Variants in DIP2C observed in about 807,000 individuals in gnomAD.
DIP2C encodes DIP2 acetate--CoA ligase C (putative), also known as disco-interacting protein 2 homolog C.
DIP2C carries 33 observed loss-of-function variants against 192.4 expected under a neutral mutation model. The ratio of observed to expected loss-of-function variants is 0.17; its 90% CI spans 0.13 to 0.23. The LOEUF is 0.23. Ranked by LOEUF, DIP2C falls within the 10% of genes least tolerant of loss-of-function variation. The probability of loss-of-function intolerance (pLI) is 1.00; values close to 1 mark genes in which losing one functional copy is unlikely to be tolerated. For missense variants in DIP2C, 1,537 were observed against 2,110.1 expected, an observed-to-expected ratio of 0.73 and a Z score of 5.32; for synonymous variants, 979 against 864.1, an observed-to-expected ratio of 1.13 and a Z score of -2.33.
chr10:561,083 ATTTAT>A (rs1849190685), intron 1 of DIP2C, among the ~76,000 whole-genome samples: 1 of 152,146 alleles, frequency 6.6e-6, no homozygotes, highest in African/African-American at 2.4e-5. Context: ...TACATCTTAC[ATTTAT>A]TTGATTGATG....
At chr10:580,369 CA>C (rs1380260035) in intron 1 of DIP2C, among the ~76,000 whole-genome samples, 1 of 152,114 alleles carries the variant, frequency 6.6e-6, no homozygotes, top group East Asian at 1.9e-4. Flanking sequence ...AGTGTGCACA[CA>C]TGTATATATA....
intron 1 of DIP2C, among the ~76,000 whole-genome samples, chr10:565,879 A>C (rs909311881): frequency 4.6e-5 from 7 of 152,198 alleles, no homozygotes; most frequent in African/African-American, 1.7e-4. Context: ...ACTGACCAGC[A>C]CTTCACACGT....
intron 1 of DIP2C, among the ~76,000 whole-genome samples, chr10:683,476 G>A (rs1338546229): frequency 6.6e-6 from 1 of 152,164 alleles, no homozygotes; most frequent in Admixed American, 6.5e-5. Context: ...CCTGGAGGTG[G>A]AGGCGTTCGG....
chr10:568,800 C>CAAAAAAAAAAAA (rs1554739052), intron 1 of DIP2C, among the ~76,000 whole-genome samples: 1 of 9,540 alleles, frequency 1.0e-4, no homozygotes, highest in Admixed American at 8.1e-4. Flanking sequence ...AAAAAAAAAC[C>CAAAAAAAAAAAA]TTCACTTGAT....
intron 1 of DIP2C, among the ~76,000 whole-genome samples, chr10:672,091 A>G (rs1322972153): frequency 3.3e-5 from 5 of 149,568 alleles, no homozygotes; most frequent in Admixed American, 1.3e-4. Context: ...GCACGGACGG[A>G]GTAAACAGGC....
At chr10:291,714 G>A (rs1955506520) in intron 32 of DIP2C, among the ~76,000 whole-genome samples, 1 of 152,250 alleles carries the variant, frequency 6.6e-6, no homozygotes, top group Non-Finnish European at 1.5e-5. Context: ...GGGATCATAT[G>A]CAGACATCTC....
chr10:428,084 AACT>A (rs1966711195), intron 4 of DIP2C, among the ~76,000 whole-genome samples: 1 of 152,220 alleles, frequency 6.6e-6, no homozygotes, highest in Non-Finnish European at 1.5e-5. Context: ...AGAAGGAATA[AACT>A]ACTGATGCAT....
intron 36 of DIP2C, among the ~76,000 whole-genome samples, chr10:279,562 T>G (rs1365475303): frequency 6.6e-6 from 1 of 152,214 alleles, no homozygotes; most frequent in Non-Finnish European, 1.5e-5. Flanking sequence ...TGGCTTGAAT[T>G]TGGCAACATG....
Position 593,113 on chromosome 10 carries a change from T to C in DIP2C, c.85+96381A>G, listed in dbSNP as rs562931199. On this transcript the variant is annotated intron_variant, in intron 1 of 36. Transcript: ENST00000280886. ...TGGCTCATGCCTGCAATCCCAGCAC[T>C]GAGAGGCAGTCCCCACACCTTTGAG... Among the ~76,000 whole-genome samples, 8 of 152,236 alleles carry C rather than the reference T, an allele frequency of 5.3e-5. No homozygotes were observed. The East Asian group carries it at 1.4e-3, about 26-fold the overall frequency.
At chr10:571,299 T>A (rs1279324028) in intron 1 of DIP2C, among the ~76,000 whole-genome samples, 1 of 152,160 alleles carries the variant, frequency 6.6e-6, no homozygotes, top group Non-Finnish European at 1.5e-5. Flanking sequence ...ACAGCCCCAC[T>A]GAGGGCCAAT....
At chr10:397,841 A>G (rs1181611875) in intron 10 of DIP2C, among the ~76,000 whole-genome samples, 4 of 152,236 alleles carry the variant, frequency 2.6e-5, no homozygotes, top group Non-Finnish European at 1.5e-5. Context: ...TCCCTCAGCC[A>G]AGGACATTCC....
intron 29 of DIP2C, among the ~76,000 whole-genome samples, chr10:337,412 G>A (rs535130790): frequency 8.2e-4 from 122 of 148,282 alleles, no homozygotes; most frequent in African/African-American, 2.7e-3. Flanking sequence ...ACGTAGCTGT[G>A]TGTGTGTGTT....
intron 1 of DIP2C, among the ~76,000 whole-genome samples, chr10:570,019 C>T (rs1849685918): frequency 6.6e-6 from 1 of 152,196 alleles, no homozygotes; most frequent in African/African-American, 2.4e-5. Context: ...TCAATGGCCT[C>T]AGAGCTCCAG....
rs568065276 is a variant in DIP2C at position 529,435 on chromosome 10, C to T, written c.86-42905G>A. Among the ~76,000 whole-genome samples, 5 of 152,026 alleles carry T rather than the reference C, an allele frequency of 3.3e-5. No individual in the cohort carries two copies. The South Asian group carries it at 1.1e-3, about 32-fold the overall frequency. On this transcript the variant is annotated intron_variant, in intron 1 of 36. Coordinates refer to ENST00000280886, the MANE Select transcript of DIP2C (RefSeq NM_014974.3). ...TAAATCTATTCACCACGTTGCCATG[C>T]TCCTGTCACCTGCTTCGTTTTCCGT...
At chr10:339,617 G>C (rs914081980) in intron 29 of DIP2C, among the ~76,000 whole-genome samples, 1 of 152,138 alleles carries the variant, frequency 6.6e-6, no homozygotes, top group Non-Finnish European at 1.5e-5. Context: ...TACAAGGGCC[G>C]TTGTTCAGAA....
At chr10:344,232 A>G (rs1564586928) in intron 28 of DIP2C, among the ~76,000 whole-genome samples, 1 of 152,144 alleles carries the variant, frequency 6.6e-6, no homozygotes, top group African/African-American at 2.4e-5. Context: ...TTGAAAAATT[A>G]TTTTATTTCA....
At chr10:490,209 T>C (rs560874645) in intron 1 of DIP2C, among the ~76,000 whole-genome samples, 5 of 150,536 alleles carry the variant, frequency 3.3e-5, no homozygotes, top group African/African-American at 1.2e-4. Context: ...TGACGGTGCC[T>C]GGGGCTTCCT....
rs907590799 is a variant in DIP2C at position 648,404 on chromosome 10, G to A, written c.85+41090C>T. Among the ~76,000 whole-genome samples, 5 of 151,234 alleles carry A rather than the reference G, an allele frequency of 3.3e-5. No individual in the cohort carries two copies. The South Asian group carries it at 8.4e-4, about 25-fold the overall frequency. On this transcript the variant is annotated intron_variant, in intron 1 of 36. Transcript: ENST00000280886. ...CACTGGATGGTGGGCGAGACCAGAA[G>A]GAAACTGAGTCCACGTCCACATTTC...
intron 1 of DIP2C, among the ~76,000 whole-genome samples, chr10:499,342 T>C (rs1845069462): frequency 6.6e-6 from 1 of 152,154 alleles, no homozygotes; most frequent in African/African-American, 2.4e-5. Flanking sequence ...TGTGGACCGC[T>C]GGGCTGCATC....
Sources: gnomAD v4.1 joint callset for allele counts (sites outside exome capture counted in the v4.1 genomes callset) on GRCh38, gnomAD v4.1.1 for gene constraint, MANE v1.5 for transcripts, NCBI Gene and HGNC (gene_info 2026-07-23, HGNC 2026-07-21) for gene names.